GRIN2B: variants seen among roughly 807,000 people sequenced by gnomAD.
GRIN2B encodes the protein glutamate receptor ionotropic, NMDA 2B.
In GRIN2B, 5 loss-of-function variants were observed where a neutral mutation model predicts 114.5. That is an observed-to-expected ratio of 0.04 (90% CI 0.02 to 0.09). GRIN2B has a LOEUF of 0.09. Among genes scored for constraint, GRIN2B ranks in the 10% least tolerant of loss-of-function variants. The pLI, the probability that GRIN2B is intolerant of heterozygous loss-of-function variation, is 1.00. For missense variants in GRIN2B, 1,108 were observed against 1,943.5 expected, an observed-to-expected ratio of 0.57 and a Z score of 8.08; for synonymous variants, 787 against 745.1, an observed-to-expected ratio of 1.06 and a Z score of -0.92.
intron 3 of GRIN2B, among the ~76,000 whole-genome samples, chr12:13,823,384 G>A (rs894180742): frequency 6.6e-6 from 1 of 151,942 alleles, no homozygotes; most frequent in African/African-American, 2.4e-5. Context: ...TCTTGAATAT[G>A]TTGATATATA....
At chr12:13,829,040 T>G (rs1378169359) in intron 3 of GRIN2B, among the ~76,000 whole-genome samples, 1 of 152,170 alleles carries the variant, frequency 6.6e-6, no homozygotes, top group African/African-American at 2.4e-5. Context: ...GCCCTTCACC[T>G]TGCTGTTAAC....
intron 10 of GRIN2B, among the ~76,000 whole-genome samples, chr12:13,605,280 G>A (rs1178566638): frequency 6.6e-6 from 1 of 152,134 alleles, no homozygotes; most frequent in Non-Finnish European, 1.5e-5. Context: ...TTTCCCAGAT[G>A]AGCTAGGGAA....
In GRIN2B at chr12:13,916,735, A is replaced by ACACAAATGTGTGTGTGTG. The variant is rs59238170; in HGVS notation, c.-18-50510_-18-50509insCACACACACACATTTGTG. Among the ~76,000 whole-genome samples, 19 of 101,924 alleles carry ACACAAATGTGTGTGTGTG rather than the reference A, an allele frequency of 1.9e-4. 1 individual carries two copies. Among genetic ancestry groups the ACACAAATGTGTGTGTGTG allele is most frequent in the East Asian group, 8.8e-4 (3 of 3,420 alleles). 66.9% of individuals were successfully genotyped at this position (101,924 alleles called of 152,430 possible). ...TATACACACACACACACACACACAC[A>ACACAAATGTGTGTGTGTG]TTTGTGTGTGTGTGTGTGTGTGTGT... On this transcript the variant is annotated intron_variant, in intron 2 of 13. Transcript: ENST00000609686.
chr12:13,876,670 G>A (rs1201893226), intron 2 of GRIN2B, among the ~76,000 whole-genome samples: 4 of 152,128 alleles, frequency 2.6e-5, no homozygotes, highest in East Asian at 1.9e-4. Flanking sequence ...ATAGTCACAC[G>A]TCAGATTTGG....
chr12:13,690,683 A>T (rs1285992775), intron 4 of GRIN2B, among the ~76,000 whole-genome samples: 2 of 152,152 alleles, frequency 1.3e-5, no homozygotes, highest in African/African-American at 2.4e-5. Flanking sequence ...GAGAGAGCTG[A>T]CACAGGAGTG....
At chr12:13,618,318 G>A (rs1343196282) in intron 5 of GRIN2B, among the ~76,000 whole-genome samples, 2 of 152,144 alleles carry the variant, frequency 1.3e-5, no homozygotes, top group Non-Finnish European at 2.9e-5. Flanking sequence ...TTACCCTAGT[G>A]GCCAAACTGG....
chr12:13,878,639 C>T (rs930566200), intron 2 of GRIN2B, among the ~76,000 whole-genome samples: 1 of 152,172 alleles, frequency 6.6e-6, no homozygotes, highest in Non-Finnish European at 1.5e-5. Context: ...AAAGCAAGAC[C>T]TGAATTCTGC....
intron 10 of GRIN2B, among the ~76,000 whole-genome samples, chr12:13,574,771 A>G (rs1948753283): frequency 6.6e-6 from 1 of 152,252 alleles, no homozygotes; most frequent in Admixed American, 6.5e-5. Context: ...AAGGGTCTAG[A>G]ATAGCCAAGA....
At chr12:13,772,141 C>A (rs1283897920) in intron 3 of GRIN2B, among the ~76,000 whole-genome samples, 1 of 152,166 alleles carries the variant, frequency 6.6e-6, no homozygotes, top group African/African-American at 2.4e-5. Context: ...CCATAAAAGT[C>A]ACGTTCTTCA....
At chr12:13,902,744 G>A (rs1866473595) in intron 2 of GRIN2B, among the ~76,000 whole-genome samples, 1 of 152,174 alleles carries the variant, frequency 6.6e-6, no homozygotes, top group African/African-American at 2.4e-5. Flanking sequence ...CCGGGAGGCT[G>A]AGGTTGCAGT....
At chr12:13,691,651 G>A (rs1158865951) in intron 4 of GRIN2B, among the ~76,000 whole-genome samples, 1 of 152,156 alleles carries the variant, frequency 6.6e-6, no homozygotes, top group South Asian at 2.1e-4. Context: ...GAAATACAGT[G>A]TTTGATGTCT....
chr12:13,825,731 G>T (rs1484248167), intron 3 of GRIN2B, among the ~76,000 whole-genome samples: 1 of 151,706 alleles, frequency 6.6e-6, no homozygotes, highest in Non-Finnish European at 1.5e-5. Context: ...TGGCCAGGTT[G>T]GTCTCCACCT....
chr12:13,809,213 C>T (rs988464164), intron 3 of GRIN2B, among the ~76,000 whole-genome samples: 6 of 152,138 alleles, frequency 3.9e-5, no homozygotes, highest in African/African-American at 9.7e-5. Context: ...TGAATATTAC[C>T]GGTCTCAGAA....
chr12:13,595,516 C>T (rs1949060263), intron 10 of GRIN2B, among the ~76,000 whole-genome samples: 1 of 152,176 alleles, frequency 6.6e-6, no homozygotes, highest in South Asian at 2.1e-4. Flanking sequence ...CCGGGGGTGA[C>T]CTTCTATATC....
At chr12:13,636,771 G>T (rs1485967836) in intron 5 of GRIN2B, among the ~76,000 whole-genome samples, 1 of 152,136 alleles carries the variant, frequency 6.6e-6, no homozygotes, top group Non-Finnish European at 1.5e-5. Flanking sequence ...TCAAAGCCCA[G>T]GTCTGCTAGT....
intron 3 of GRIN2B, among the ~76,000 whole-genome samples, chr12:13,845,315 A>T (rs12299316): frequency 0.11 from 17,059 of 152,190 alleles, 1,256 homozygotes; most frequent in Middle Eastern, 0.16. Context: ...ACTTTTATCA[A>T]TATCAATATA....
intron 3 of GRIN2B, among the ~76,000 whole-genome samples, chr12:13,798,433 A>C (rs1864453536): frequency 6.6e-6 from 1 of 152,184 alleles, no homozygotes; most frequent in South Asian, 2.1e-4. Context: ...TAAACCATCT[A>C]ATCAGTTTCT....
At chr12:13,706,734 T>G (rs1227681020) in intron 4 of GRIN2B, among the ~76,000 whole-genome samples, 1 of 152,124 alleles carries the variant, frequency 6.6e-6, no homozygotes, top group African/African-American at 2.4e-5. Flanking sequence ...GTCAGAACTG[T>G]GTGAGTCCTG....
chr12:13,562,423 C>A lies in GRIN2B; in HGVS notation c.*360G>T. The A allele has an allele frequency of 3.9e-6, 1 of 257,602 alleles. No individual in the cohort carries two copies. The highest frequency in any genetic ancestry group is 7.5e-6 in the Non-Finnish European group (1 of 134,058). 16.0% of individuals were successfully genotyped at this position (257,602 alleles called of 1,614,324 possible). The stretch of plus-strand genomic sequence containing the variant: ...CTCACATAGCCTCTTTTTGGTTCTC[C>A]CAGCTTCACTCAAAGAGGATATCAA... On this transcript the variant is annotated 3_prime_UTR_variant, in exon 14 of 14. Coordinates refer to ENST00000609686, the MANE Select transcript of GRIN2B (RefSeq NM_000834.5).
Sources: gnomAD v4.1 joint callset for allele counts (sites outside exome capture counted in the v4.1 genomes callset) on GRCh38, gnomAD v4.1.1 for gene constraint, MANE v1.5 for transcripts, NCBI Gene and HGNC (gene_info 2026-07-23, HGNC 2026-07-21) for gene names.